The following PLCB1 variants were observed in gnomAD, a reference collection of about 807,000 sequenced individuals.
PLCB1 encodes 1-phosphatidylinositol 4,5-bisphosphate phosphodiesterase beta-1.
Under a neutral mutation model 161.8 loss-of-function variants are expected in PLCB1, and 46 were observed. The observed-to-expected ratio is 0.28, with a 90% CI of 0.22 to 0.36. The LOEUF is 0.36. Among genes scored for constraint, PLCB1 ranks in the 10% least tolerant of loss-of-function variants. The pLI, the probability that PLCB1 is intolerant of heterozygous loss-of-function variation, is 1.00. For synonymous variants in PLCB1, 517 were observed against 503.7 expected (o/e 1.03, Z -0.35); for missense variants, 1,016 against 1,472.5 (o/e 0.69, Z 5.07).
rs186774750 is a variant in PLCB1 at position 8,727,446 on chromosome 20, C to T, written c.1763+53C>T. On this transcript the variant is annotated intron_variant, in intron 17 of 31. Coordinates refer to ENST00000338037, the MANE Select transcript of PLCB1 (RefSeq NM_015192.4). The stretch of plus-strand genomic sequence containing the variant: ...GAATGAACACAGCTGAAGTCTTGTG[C>T]TATTTGTTCATTTGGTTTTTTAATA... The T allele has an allele frequency of 4.0e-3, 3,878 of 980,458 alleles. 16 individuals carry two copies. Among genetic ancestry groups the T allele is most frequent in the Non-Finnish European group, 5.1e-3 (3,172 of 623,414 alleles). 60.7% of individuals were successfully genotyped at this position (980,458 alleles called of 1,614,324 possible).
At chr20:8,600,810 T>C (rs1250957953) in intron 3 of PLCB1, 1 of 151,878 alleles carries the variant, frequency 6.6e-6, no homozygotes, top group African/African-American at 2.4e-5. Flanking sequence ...TGGTGCGCCG[T>C]TTTTTAAGCC....
chr20:8,320,651 G>A (rs1946529787), intron 2 of PLCB1, among the ~76,000 whole-genome samples: 1 of 152,058 alleles, frequency 6.6e-6, no homozygotes, highest in Non-Finnish European at 1.5e-5. Context: ...TGTTCCATGG[G>A]TGTTTTTCAT....
At chr20:8,662,514 A>G (rs1378272911) in intron 9 of PLCB1, among the ~76,000 whole-genome samples, 2 of 142,514 alleles carry the variant, frequency 1.4e-5, no homozygotes, top group Non-Finnish European at 3.0e-5. Context: ...TGTATAATAT[A>G]TAATTTTTTA....
chr20:8,467,015 C>T (rs1248878536), intron 3 of PLCB1, among the ~76,000 whole-genome samples: 1 of 152,202 alleles, frequency 6.6e-6, no homozygotes, highest in African/African-American at 2.4e-5. Context: ...TCTCAGCTCA[C>T]TGTAACTTCT....
intron 3 of PLCB1, among the ~76,000 whole-genome samples, chr20:8,472,124 C>T (rs1982078660): frequency 1.3e-5 from 2 of 152,014 alleles, no homozygotes; most frequent in African/African-American, 2.4e-5. Context: ...GCAATGTGTC[C>T]ATTAGGAAAT....
intron 31 of PLCB1, among the ~76,000 whole-genome samples, chr20:8,873,288 G>A (rs145176454): frequency 1.1e-4 from 16 of 152,170 alleles, no homozygotes; most frequent in Admixed American, 6.5e-4. Context: ...GGCCTTGCAC[G>A]TTTGCTCAGG....
At chr20:8,651,678 A>G (rs1989326495) in intron 7 of PLCB1, 4 of 532,542 alleles carry the variant, frequency 7.5e-6, no homozygotes, top group South Asian at 2.7e-5. Context: ...TTCAAGGACA[A>G]TAGAGTCTTC....
chr20:8,654,969 TAACCCCA>T (rs1989417634), intron 7 of PLCB1, among the ~76,000 whole-genome samples: 1 of 152,052 alleles, frequency 6.6e-6, no homozygotes, highest in Non-Finnish European at 1.5e-5. Context: ...TTTCACCTAC[TAACCCCA>T]AAGACTTTGG....
At chr20:8,286,535 G>A (rs566714116) in intron 2 of PLCB1, among the ~76,000 whole-genome samples, 2 of 152,104 alleles carry the variant, frequency 1.3e-5, no homozygotes, top group African/African-American at 2.4e-5. Context: ...GAAGATAATG[G>A]ACTGTTGGCC....
intron 2 of PLCB1, among the ~76,000 whole-genome samples, chr20:8,165,594 G>A (rs2051667113): frequency 6.6e-6 from 1 of 152,118 alleles, no homozygotes; most frequent in Admixed American, 6.6e-5. Context: ...CTTGAATTCG[G>A]GGACTTTACC....
chr20:8,663,242 A>G (rs1219602362), intron 9 of PLCB1, among the ~76,000 whole-genome samples: 1 of 151,948 alleles, frequency 6.6e-6, no homozygotes, highest in Non-Finnish European at 1.5e-5. Context: ...GTGTGTATAC[A>G]CATACACAGA....
chr20:8,644,817 C>G (rs1989110019), intron 4 of PLCB1, among the ~76,000 whole-genome samples: 1 of 152,168 alleles, frequency 6.6e-6, no homozygotes, highest in Admixed American at 6.5e-5. Context: ...ACCACCCCGT[C>G]TGGGAGGTGT....
chr20:8,808,208 A>G (rs1984634546), intron 31 of PLCB1, among the ~76,000 whole-genome samples: 2 of 152,208 alleles, frequency 1.3e-5, no homozygotes, highest in Admixed American at 6.5e-5. Context: ...GGCTTCAGCA[A>G]CAGAAATTTA....
chr20:8,493,023 A>G (rs1293785166), intron 3 of PLCB1, among the ~76,000 whole-genome samples: 1 of 151,994 alleles, frequency 6.6e-6, no homozygotes. Context: ...TCTCCAGCTG[A>G]TTTCTTTCCC....
chr20:8,796,846 A>G (rs1196784685), intron 31 of PLCB1, among the ~76,000 whole-genome samples: 3 of 152,200 alleles, frequency 2.0e-5, no homozygotes, highest in Non-Finnish European at 4.4e-5. Flanking sequence ...CTATGTTTTG[A>G]TCATGGTTCA....
At chr20:8,351,356 CAT>C (rs1343157968) in intron 2 of PLCB1, among the ~76,000 whole-genome samples, 1 of 151,886 alleles carries the variant, frequency 6.6e-6, no homozygotes, top group Non-Finnish European at 1.5e-5. Context: ...GAGTCATAGA[CAT>C]ATATGTAAAA....
intron 2 of PLCB1, among the ~76,000 whole-genome samples, chr20:8,278,244 A>G (rs1323234227): frequency 1.2e-5 from 1 of 81,170 alleles, no homozygotes; most frequent in Non-Finnish European, 2.4e-5. Flanking sequence ...TTGTGTGAAC[A>G]AAGAAACAAT....
chr20:8,803,526 G>C (rs548298386), intron 31 of PLCB1, among the ~76,000 whole-genome samples: 4 of 147,152 alleles, frequency 2.7e-5, no homozygotes, highest in African/African-American at 1.0e-4. Flanking sequence ...TATGAATTCT[G>C]TTCATGTCCT....
At chr20:8,215,289 G>C (rs984100563) in intron 2 of PLCB1, among the ~76,000 whole-genome samples, 10 of 151,832 alleles carry the variant, frequency 6.6e-5, no homozygotes, top group Admixed American at 6.6e-4. Flanking sequence ...ATCTCAAAAG[G>C]CCGTAAAAAC....
Sources: allele counts gnomAD v4.1 joint callset (sites outside exome capture counted in the v4.1 genomes callset), GRCh38; gene constraint gnomAD v4.1.1; transcripts MANE v1.5; gene names NCBI Gene and HGNC (gene_info 2026-07-23, HGNC 2026-07-21).